The following AGAP1 variants were observed in gnomAD, a reference collection of about 807,000 sequenced individuals.
AGAP1 encodes ArfGAP with GTPase domain, ankyrin repeat and PH domain 1.
AGAP1 carries 29 observed loss-of-function variants against 105.3 expected under a neutral mutation model. That is an observed-to-expected ratio of 0.28 (90% CI 0.21 to 0.38). AGAP1 has a LOEUF of 0.38. Ranked by LOEUF, AGAP1 falls within the 10% of genes least tolerant of loss-of-function variation. AGAP1 has a pLI of 1.00. For missense variants in AGAP1, 998 were observed against 1,165.1 expected, an observed-to-expected ratio of 0.86 and a Z score of 2.09; for synonymous variants, 509 against 485.9, an observed-to-expected ratio of 1.05 and a Z score of -0.63.
chr2:235,916,918 G>A (rs1446204896), intron 11 of AGAP1, among the ~76,000 whole-genome samples: 1 of 152,182 alleles, frequency 6.6e-6, no homozygotes, highest in Non-Finnish European at 1.5e-5. Flanking sequence ...CAGCAAGGGG[G>A]CAGACAGAAG....
rs1412109765 is a variant in AGAP1 at position 235,494,525 on chromosome 2, C to T, written c.-162C>T. Reference sequence around the variant, plus strand: ...GAACTGAGCCCGCGGGCCAGCCCCGCGCCTGCTCCGCCCGCGCCTTTCTTC... The same window carrying T: ...GAACTGAGCCCGCGGGCCAGCCCCGTGCCTGCTCCGCCCGCGCCTTTCTTC... On this transcript the variant is annotated 5_prime_UTR_variant, in exon 1 of 18. Transcript: ENST00000304032. 1 of 145,308 alleles carries T rather than the reference C, an allele frequency of 6.9e-6. No homozygotes were observed. The highest frequency in any genetic ancestry group is 1.5e-5 in the Non-Finnish European group (1 of 67,094). The allele number at this position is 145,308 out of a possible 1,614,324, so 9.0% of individuals were successfully genotyped here.
intron 16 of AGAP1, among the ~76,000 whole-genome samples, chr2:236,107,756 C>T (rs78077278): frequency 4.5e-4 from 69 of 152,328 alleles, no homozygotes; most frequent in African/African-American, 1.6e-3. Flanking sequence ...CCAGAGTACC[C>T]GGGCACATCC....
chr2:235,563,129 G>A (rs923486221), intron 1 of AGAP1, among the ~76,000 whole-genome samples: 2 of 152,180 alleles, frequency 1.3e-5, no homozygotes, highest in African/African-American at 4.8e-5. Context: ...AACAGGACCT[G>A]CCTTGTGCTG....
At chr2:236,088,440 G>A (rs772989377) in intron 16 of AGAP1, among the ~76,000 whole-genome samples, 1 of 152,194 alleles carries the variant, frequency 6.6e-6, no homozygotes, top group Non-Finnish European at 1.5e-5. Flanking sequence ...TTGGCAGTGG[G>A]CATGTGAATT....
chr2:235,520,149 T>G (rs1942561094), intron 1 of AGAP1, among the ~76,000 whole-genome samples: 1 of 152,228 alleles, frequency 6.6e-6, no homozygotes, highest in Non-Finnish European at 1.5e-5. Flanking sequence ...AGTATCTATC[T>G]CTAAAAGATG....
rs1448761644 is a variant in AGAP1, at chr2:235,712,666, T to A, written c.222+3429T>A. On this transcript the variant is annotated intron_variant, in intron 2 of 17. Coordinates refer to ENST00000304032, the MANE Select transcript of AGAP1 (RefSeq NM_001037131.3). This position sits in a 1 kb window ranked among gnomAD's most constrained non-coding sequence, Gnocchi z 6.0. ...GCCTTGTGATGTGAAGGGCCGAGTA[T>A]GGGTTCCAACGCACTTCATGTGCCT... Among the ~76,000 whole-genome samples the A allele has an allele frequency of 1.3e-5, 2 of 152,236 alleles. No individual in the cohort carries two copies. Among genetic ancestry groups the A allele is most frequent in the African/African-American group, 4.8e-5 (2 of 41,474 alleles).
At chr2:235,841,458 A>G (rs1203167028) in intron 9 of AGAP1, among the ~76,000 whole-genome samples, 3 of 152,078 alleles carry the variant, frequency 2.0e-5, no homozygotes, top group Non-Finnish European at 4.4e-5. Context: ...GTGAGGCCCC[A>G]TCTGTACAAC....
intron 9 of AGAP1, among the ~76,000 whole-genome samples, chr2:235,835,260 T>C (rs902584945): frequency 2.6e-5 from 4 of 152,198 alleles, no homozygotes; most frequent in Non-Finnish European, 5.9e-5. Context: ...CCAAAATGTT[T>C]ATAACCCTTG....
In AGAP1 at chr2:236,087,674, GAA is replaced by G. The variant is rs2058967802; in HGVS notation, c.2115-32517_2115-32516del. 6.6e-6 allele frequency among the ~76,000 whole-genome samples: 1 copy of G among 152,194 alleles called. No individual in the cohort carries two copies. The highest frequency in any genetic ancestry group is 2.4e-5 in the African/African-American group (1 of 41,440). On this transcript the variant is annotated intron_variant, in intron 16 of 17. Coordinates refer to ENST00000304032, the MANE Select transcript of AGAP1 (RefSeq NM_001037131.3). This position sits in a 1 kb window ranked among gnomAD's most constrained non-coding sequence, Gnocchi z 5.7. ...TTTCTCTGTTTCCATGTGGTGCCGT[GAA>G]TAGTCTCATAAGCCATGTAAGTGGC...
Position 236,101,665 on chromosome 2 carries a change from A to T in AGAP1, c.2115-18527A>T, listed in dbSNP as rs988322327. On this transcript the variant is annotated intron_variant, in intron 16 of 17. Coordinates refer to ENST00000304032, the MANE Select transcript of AGAP1 (RefSeq NM_001037131.3). This position sits in a 1 kb window ranked among gnomAD's most constrained non-coding sequence, Gnocchi z 4.9. ...ATTTCTCTTCCCTTATCTGTTTATG[A>T]TGCGATATGTTCCAAAGCCGATCAC... 2.6e-5 allele frequency among the ~76,000 whole-genome samples: 4 copies of T among 152,148 alleles called. No homozygotes were observed. The highest frequency in any genetic ancestry group is 4.4e-5 in the Non-Finnish European group (3 of 68,030).
rs2054510467 is a variant in AGAP1, at chr2:235,968,640, G to T, written c.1645+17G>T. 1.3e-6 allele frequency: 2 copies of T among 1,594,310 alleles called. No homozygotes were observed. Among genetic ancestry groups the T allele is most frequent in the African/African-American group, 2.7e-5 (2 of 72,740 alleles). On this transcript the variant is annotated intron_variant, in intron 13 of 17. Coordinates refer to ENST00000304032, the MANE Select transcript of AGAP1 (RefSeq NM_001037131.3). Reference sequence around the variant, plus strand: ...CTGCTGAAGGTAAGGGTTCCGCGGTGCCCCGGGAGAGAGTCTCCACTGCGG... The same window carrying T: ...CTGCTGAAGGTAAGGGTTCCGCGGTTCCCCGGGAGAGAGTCTCCACTGCGG...
intron 1 of AGAP1, among the ~76,000 whole-genome samples, chr2:235,677,605 T>C (rs1216404556): frequency 6.6e-6 from 1 of 152,156 alleles, no homozygotes; most frequent in Non-Finnish European, 1.5e-5. Flanking sequence ...TTATTCTCTG[T>C]ACGGCCTTTG....
chr2:236,079,557 C>T lies in AGAP1; in HGVS notation c.2114+30276C>T, dbSNP rs943622675. ...AAAAAAAAAATTATATATATATACA[C>T]ACACACACACACATACATACACACA... On this transcript the variant is annotated intron_variant, in intron 16 of 17. Transcript: ENST00000304032. Among the ~76,000 whole-genome samples the T allele has an allele frequency of 1.8e-4, 27 of 150,758 alleles. No homozygotes were observed. In the South Asian group the frequency reaches 4.8e-3, roughly 27 times the overall value.
At chr2:235,688,325 T>C (rs1559353379) in intron 1 of AGAP1, among the ~76,000 whole-genome samples, 1 of 152,212 alleles carries the variant, frequency 6.6e-6, no homozygotes, top group Admixed American at 6.5e-5. Flanking sequence ...CTGTGGTGTC[T>C]GTTTGGGGAG....
intron 6 of AGAP1, among the ~76,000 whole-genome samples, chr2:235,776,058 G>A (rs1955835191): frequency 6.6e-6 from 1 of 152,162 alleles, no homozygotes; most frequent in African/African-American, 2.4e-5. Flanking sequence ...AGGAGACTGC[G>A]TTGTGTTTGG....
At position 235,882,305 on chromosome 2, in the gene AGAP1, C is replaced by T; in HGVS notation, c.1051-1040C>T. On this transcript the variant is annotated intron_variant, in intron 9 of 17. Transcript: ENST00000304032. This position sits in a 1 kb window ranked among gnomAD's most constrained non-coding sequence, Gnocchi z 4.6. ...CGTGTCCATCTTGCAGGTCGCTCTT[C>T]CTCCACATCACAACTGGGGTCTTAA... is the stretch of plus-strand genomic sequence containing the variant. 1 of 739,680 alleles carries T rather than the reference C, an allele frequency of 1.4e-6. No homozygotes were observed. Among genetic ancestry groups the T allele is most frequent in the Non-Finnish European group, 2.2e-6 (1 of 455,372 alleles). The allele number at this position is 739,680 out of a possible 1,614,324, so 45.8% of individuals were successfully genotyped here. A position where few individuals can be genotyped will look rare whatever the true frequency, so the allele number is the denominator to read the frequency against.
chr2:235,656,969 C>T (rs1189794741), intron 1 of AGAP1, among the ~76,000 whole-genome samples: 3 of 152,198 alleles, frequency 2.0e-5, no homozygotes, highest in Non-Finnish European at 4.4e-5. Context: ...TTCAGCAAGA[C>T]ATGCATGATT....
intron 9 of AGAP1, among the ~76,000 whole-genome samples, chr2:235,819,767 C>T (rs1958679010): frequency 6.6e-6 from 1 of 152,136 alleles, no homozygotes; most frequent in African/African-American, 2.4e-5. Flanking sequence ...CCGGATGGTG[C>T]ACACTCCGAG....
In AGAP1 at chr2:236,114,498, T is replaced by C. The variant is rs2059722596; in HGVS notation, c.2115-5694T>C. ...AATAAAGTATTACACTTGGGTGGCT[T>C]AAGTGCGGGACATTCACGTCTCACA... is the stretch of plus-strand genomic sequence containing the variant. On this transcript the variant is annotated intron_variant, in intron 16 of 17. Transcript: ENST00000304032. This position sits in a 1 kb window ranked among gnomAD's most constrained non-coding sequence, Gnocchi z 5.0. Among the ~76,000 whole-genome samples, 1 of 152,188 alleles carries C rather than the reference T, an allele frequency of 6.6e-6. No individual in the cohort carries two copies. The highest frequency in any genetic ancestry group is 2.1e-4 in the South Asian group (1 of 4,820).
Sources: allele counts gnomAD v4.1 joint callset (sites outside exome capture counted in the v4.1 genomes callset), GRCh38; gene constraint gnomAD v4.1.1; non-coding constraint Gnocchi (gnomAD v3.1); transcripts MANE v1.5; gene names NCBI Gene and HGNC (gene_info 2026-07-23, HGNC 2026-07-21).